The following XRCC6 variants were observed in gnomAD, a reference collection of about 807,000 sequenced individuals.
XRCC6 encodes DNA repair protein Ku70.
In XRCC6, 5 loss-of-function variants were observed where a neutral mutation model predicts 65.7. The observed-to-expected ratio is 0.08, with a 90% confidence interval of 0.04 to 0.16. The LOEUF (loss-of-function observed/expected upper bound fraction) is 0.16. Among genes scored for constraint, XRCC6 ranks in the 10% least tolerant of loss-of-function variants. The probability of loss-of-function intolerance (pLI) is 1.00; values close to 1 mark genes in which losing one functional copy is unlikely to be tolerated. For missense variants in XRCC6, 447 were observed against 738.1 expected (o/e 0.61, Z 4.57); for synonymous variants, 270 against 270.6 (o/e 1.00, Z 0.02).
intron 11 of XRCC6, 97 bp downstream of exon 11, chr22:41,658,449 A>G (rs2068066038): frequency 1.8e-6 from 2 of 1,130,580 alleles, no homozygotes; most frequent in African/African-American, 1.5e-5. Flanking sequence ...GTCCTCTCTA[A>G]ACACTTAACC....
intron 10 of XRCC6, among the ~76,000 whole-genome samples, chr22:41,657,694 A>AT (rs2068058416): frequency 6.6e-6 from 1 of 151,292 alleles, no homozygotes; most frequent in African/African-American, 2.4e-5. Flanking sequence ...TAATTTTTGT[A>AT]TTTTTTGTAG....
chr22:41,636,740 A>G lies in XRCC6; in HGVS notation c.559A>G (p.Arg187Gly), dbSNP rs773221766. The G allele has an allele frequency of 2.2e-5, 35 of 1,614,234 alleles. No homozygotes were observed. The highest frequency in any genetic ancestry group is 3.0e-5 in the Non-Finnish European group (35 of 1,180,042). Residue 187 changes from arginine (R) to glycine (G), a missense_variant, in exon 5 of 13, where the codon AGG becomes GGG. Arg to Gly is a moderately radical substitution (Grantham distance 125, BLOSUM62 -2). Coordinates refer to ENST00000360079, the MANE Select transcript of XRCC6 (RefSeq NM_001469.5). ...GNDSAKASRA[R>G]TKAGDLRDTG... The stretch of plus-strand genomic sequence containing the variant: ...TGACAGTGCCAAAGCCAGCCGGGCC[A>G]GGACCAAAGCCGGTGATCTCCGAGA...
chr22:41,640,716 CTA>C (rs1339649550), intron 6 of XRCC6, among the ~76,000 whole-genome samples: 5 of 152,178 alleles, frequency 3.3e-5, no homozygotes, highest in African/African-American at 7.2e-5. Flanking sequence ...CTCTTGGAAA[CTA>C]TTTTTCTTTC....
chr22:41,633,169 A>G (rs1313076025), intron 3 of XRCC6, among the ~76,000 whole-genome samples: 2 of 152,190 alleles, frequency 1.3e-5, no homozygotes, highest in Non-Finnish European at 2.9e-5. Context: ...AGAACTATGA[A>G]TAAAAACAAT....
intron 9 of XRCC6, among the ~76,000 whole-genome samples, chr22:41,656,275 C>A (rs1286149902): frequency 6.7e-6 from 1 of 150,160 alleles, no homozygotes; most frequent in Non-Finnish European, 1.5e-5. Flanking sequence ...AATCCCAGCA[C>A]TTTGGGAAGC....
At chr22:41,638,044 G>A (rs547956334) in intron 6 of XRCC6, among the ~76,000 whole-genome samples, 2 of 151,332 alleles carry the variant, frequency 1.3e-5, no homozygotes, top group Non-Finnish European at 2.9e-5. Context: ...GCTCTGACCT[G>A]ACTGGCTACT....
At chr22:41,650,920 C>T (rs780551827) in intron 8 of XRCC6, 29 bp downstream of exon 8, 4 of 1,608,578 alleles carry the variant, frequency 2.5e-6, no homozygotes, top group African/African-American at 2.7e-5. Flanking sequence ...GGATGAGTGA[C>T]TCTAACACAC....
chr22:41,622,360 A>T (rs2067618063), intron 2 of XRCC6, among the ~76,000 whole-genome samples: 1 of 152,050 alleles, frequency 6.6e-6, no homozygotes, highest in South Asian at 2.1e-4. Flanking sequence ...TTGTCATCTT[A>T]AGTGGTTCAG....
intron 3 of XRCC6, among the ~76,000 whole-genome samples, chr22:41,629,600 A>T (rs1284929110): frequency 6.6e-6 from 1 of 152,134 alleles, no homozygotes; most frequent in Admixed American, 6.6e-5. Flanking sequence ...GGTGATGAAA[A>T]TTTTTTGGAA....
chr22:41,660,477 C>G (rs574678093), intron 11 of XRCC6, among the ~76,000 whole-genome samples: 2 of 152,238 alleles, frequency 1.3e-5, no homozygotes, highest in South Asian at 2.1e-4. Context: ...CCCACTTCAC[C>G]TGTCTTATCT....
intron 3 of XRCC6, among the ~76,000 whole-genome samples, chr22:41,632,748 A>T (rs1230174538): frequency 6.6e-6 from 1 of 151,200 alleles, no homozygotes; most frequent in African/African-American, 2.4e-5. Flanking sequence ...GCTTGAGCCC[A>T]GGAGTTTGAG....
intron 7 of XRCC6, among the ~76,000 whole-genome samples, chr22:41,649,142 ATATAT>A (rs1569093132): frequency 9.1e-4 from 112 of 122,928 alleles, no homozygotes; most frequent in East Asian, 1.9e-3. Context: ...AAAAAAAAAT[ATATAT>A]ATATATATAT....
At chr22:41,638,776 CAAAAAAAAAAAA>C (rs56677816) in intron 6 of XRCC6, among the ~76,000 whole-genome samples, 8 of 65,702 alleles carry the variant, frequency 1.2e-4, no homozygotes, top group African/African-American at 4.6e-4. Flanking sequence ...GACTCCGCCT[CAAAAAAAAAAAA>C]AAAAAAAAAA....
Position 41,663,426 on chromosome 22 carries a change from G to T in XRCC6, c.1637-196G>T, listed in dbSNP as rs369442418. ...CACACTACTTGTAATTTCCTCCTAG[G>T]TGTGATCTGTGTTTTATTTTGCACT... On this transcript the variant is annotated intron_variant, in intron 12 of 12. Coordinates refer to ENST00000360079, the MANE Select transcript of XRCC6 (RefSeq NM_001469.5). Among the ~76,000 whole-genome samples the T allele has an allele frequency of 1.2e-3, 186 of 152,256 alleles. 1 individual carries two copies. The highest frequency in any genetic ancestry group is 4.2e-3 in the African/African-American group (176 of 41,554).
chr22:41,663,554 T>C, intron 12 of XRCC6, 68 bp from the exon 13 acceptor site: 1 of 1,532,568 alleles, frequency 6.5e-7, no homozygotes, highest in South Asian at 1.2e-5. Context: ...AGGTCCCCCA[T>C]GCCATGTAGC....
chr22:41,627,751 G>T (rs1189727976), intron 2 of XRCC6, among the ~76,000 whole-genome samples: 1 of 152,150 alleles, frequency 6.6e-6, no homozygotes, highest in African/African-American at 2.4e-5. Context: ...GCACACACCT[G>T]TAGTCCCAGT....
intron 3 of XRCC6, among the ~76,000 whole-genome samples, chr22:41,632,279 C>A (rs2067763800): frequency 6.6e-6 from 1 of 152,142 alleles, no homozygotes; most frequent in South Asian, 2.1e-4. Flanking sequence ...GAATTTGGAA[C>A]TGAACAGAAA....
At chr22:41,624,182 C>G (rs981197350) in intron 2 of XRCC6, among the ~76,000 whole-genome samples, 3 of 151,432 alleles carry the variant, frequency 2.0e-5, no homozygotes, top group African/African-American at 7.3e-5. Context: ...GTCAGGAGTT[C>G]GAGACCACCC....
chr22:41,649,139 A>AAAAATATATATATATATATATAT, intron 7 of XRCC6, among the ~76,000 whole-genome samples: 1 of 88,736 alleles, frequency 1.1e-5, no homozygotes, highest in South Asian at 4.3e-4. Context: ...AAAAAAAAAA[A>AAAAATATATATATATATATATAT]ATATATATAT....
Sources: allele counts gnomAD v4.1 joint callset (sites outside exome capture counted in the v4.1 genomes callset), GRCh38; gene constraint gnomAD v4.1.1; transcripts MANE v1.5; gene names NCBI Gene and HGNC (gene_info 2026-07-23, HGNC 2026-07-21).